Variants in CD99L2 observed in about 807,000 individuals in gnomAD.
CD99L2 encodes the protein CD99 molecule like 2.
CD99L2 carries 24 observed loss-of-function variants against 27.3 expected under a neutral mutation model. That is an observed-to-expected ratio of 0.88 (90% CI 0.64 to 1.24). The LOEUF (loss-of-function observed/expected upper bound fraction) is 1.24. Ranked by LOEUF, CD99L2 falls within the 50% of genes most tolerant of loss-of-function variation. The pLI is 0.00. For missense variants in CD99L2, 255 were observed against 221.6 expected, an observed-to-expected ratio of 1.15 and a Z score of -0.96; for synonymous variants, 97 against 87.9, an observed-to-expected ratio of 1.10 and a Z score of -0.58.
intron 9 of CD99L2, among the ~76,000 whole-genome samples, chrX:150,772,511 G>C (rs893775653): frequency 2.0e-4 from 22 of 112,801 alleles, no homozygotes; most frequent in African/African-American, 7.1e-4. Flanking sequence ...AAAGGATGTG[G>C]TTGGGACCAA....
chrX:150,834,848 T>C (rs1339405383), intron 1 of CD99L2, among the ~76,000 whole-genome samples: 11 of 112,247 alleles, frequency 9.8e-5, no homozygotes, highest in African/African-American at 3.6e-4. Context: ...TAAGTGTCCA[T>C]TAACAAATGA....
intron 2 of CD99L2, 31 bp downstream of exon 2, chrX:150,831,200 T>C (rs1461450356): frequency 9.1e-7 from 1 of 1,096,323 alleles, no homozygotes; most frequent in Admixed American, 2.3e-5. Context: ...CTACTGTTTG[T>C]TTTTAATAGT....
intron 2 of CD99L2, among the ~76,000 whole-genome samples, chrX:150,823,987 AAAG>A (rs201970278): frequency 0.013 from 1,412 of 106,440 alleles, 36 homozygotes; most frequent in African/African-American, 0.043. Flanking sequence ...TGTAGAAAAA[AAAG>A]AAGAAGAAGA....
intron 4 of CD99L2, among the ~76,000 whole-genome samples, chrX:150,800,287 C>T (rs1365894932): frequency 9.0e-6 from 1 of 111,282 alleles, no homozygotes; most frequent in Admixed American, 9.5e-5. Flanking sequence ...TGATGAAAAA[C>T]TGTTGGAAAT....
rs182130580 is a variant in CD99L2 at position 150,770,006 on chromosome X, G to A, written c.721+298C>T. 4.3e-3 allele frequency among the ~76,000 whole-genome samples: 489 copies of A among 112,961 alleles called. 1 individual carries two copies. The highest frequency in any genetic ancestry group is 0.013 in the African/African-American group (403 of 31,108). On this transcript the variant is annotated intron_variant, in intron 10 of 10. Coordinates refer to ENST00000370377, the MANE Select transcript of CD99L2 (RefSeq NM_031462.4). ...CTCTGTTCAGGATGTAATTGTATTC[G>A]CTGATGGGGAGCAGAGGTGCCTGGG...
intron 1 of CD99L2, among the ~76,000 whole-genome samples, chrX:150,888,463 T>A (rs985764104): frequency 8.9e-6 from 1 of 111,914 alleles, no homozygotes; most frequent in Non-Finnish European, 1.9e-5. Flanking sequence ...TCCGTTGCTA[T>A]GAAATGTCCA....
At chrX:150,802,604 C>T (rs2045926560) in intron 4 of CD99L2, among the ~76,000 whole-genome samples, 1 of 92,769 alleles carries the variant, frequency 1.1e-5, no homozygotes, top group South Asian at 6.5e-4. Flanking sequence ...TTTTTTGAGA[C>T]AGAGTCTCGC....
intron 7 of CD99L2, among the ~76,000 whole-genome samples, chrX:150,785,668 G>A (rs1033492473): frequency 2.7e-5 from 3 of 111,132 alleles, no homozygotes; most frequent in Non-Finnish European, 5.7e-5. Flanking sequence ...CCTAACCCCC[G>A]CAGCCACAGA....
chrX:150,813,059 G>A (rs1557420390), intron 4 of CD99L2, among the ~76,000 whole-genome samples: 1 of 111,317 alleles, frequency 9.0e-6, no homozygotes, highest in Admixed American at 9.6e-5. Context: ...TGGTTGCCAG[G>A]GGTTAGGAAA....
chrX:150,794,546 T>G (rs188272367), intron 6 of CD99L2, among the ~76,000 whole-genome samples: 1 of 112,451 alleles, frequency 8.9e-6, no homozygotes, highest in Admixed American at 9.4e-5. Flanking sequence ...AAGGACAAGA[T>G]AGTCCCACGG....
At chrX:150,824,043 G>A (rs868959205) in intron 2 of CD99L2, among the ~76,000 whole-genome samples, 25 of 94,367 alleles carry the variant, frequency 2.6e-4, no homozygotes, top group Non-Finnish European at 5.4e-4. Flanking sequence ...AGGAGGAGGA[G>A]GAAGAAGAAG....
chrX:150,879,515 C>T (rs782791045), intron 1 of CD99L2, among the ~76,000 whole-genome samples: 18 of 110,027 alleles, frequency 1.6e-4, no homozygotes, highest in South Asian at 3.9e-4. Context: ...AAGGACTCAC[C>T]GTGATTCAGG....
intron 1 of CD99L2, among the ~76,000 whole-genome samples, chrX:150,849,379 C>T (rs1405967285): frequency 9.0e-6 from 1 of 110,821 alleles, no homozygotes; most frequent in African/African-American, 3.3e-5. Context: ...TAGTGAGACC[C>T]TGTCCCTATA....
intron 4 of CD99L2, among the ~76,000 whole-genome samples, chrX:150,802,771 C>T (rs1478651590): frequency 4.9e-5 from 5 of 102,182 alleles, no homozygotes; most frequent in Admixed American, 1.1e-4. Context: ...TTAGTAGAGA[C>T]GGGGTTTCAC....
At chrX:150,812,308 T>G (rs1237076901) in intron 4 of CD99L2, among the ~76,000 whole-genome samples, 1 of 112,140 alleles carries the variant, frequency 8.9e-6, no homozygotes, top group Non-Finnish European at 1.9e-5. Context: ...ACCATATATC[T>G]GACTAAGGAC....
Position 150,813,321 on chromosome X carries a change from T to C in CD99L2, c.277+1541A>G, listed in dbSNP as rs182008846. ...ATAGTAGAGTACAATTTTCAAGATG[T>C]TGCTATTAGGGGAAACTGGGTGAAG... On this transcript the variant is annotated intron_variant, in intron 4 of 10. Transcript: ENST00000370377. 7.1e-5 allele frequency among the ~76,000 whole-genome samples: 8 copies of C among 112,142 alleles called. No individual in the cohort carries two copies. In the Admixed American group the frequency reaches 7.6e-4, roughly 11 times the overall value.
intron 7 of CD99L2, among the ~76,000 whole-genome samples, chrX:150,791,344 C>G (rs2045684674): frequency 9.0e-6 from 1 of 111,723 alleles, no homozygotes; most frequent in Non-Finnish European, 1.9e-5. Context: ...ATACCATTCT[C>G]TTTCCCAGTG....
intron 8 of CD99L2, chrX:150,777,238 A>C: frequency 2.2e-6 from 1 of 459,620 alleles, no homozygotes. Flanking sequence ...ATTGAGGCCC[A>C]TAAGAAATTT....
At chrX:150,822,563 T>G (rs377187190) in intron 2 of CD99L2, among the ~76,000 whole-genome samples, 1 of 111,961 alleles carries the variant, frequency 8.9e-6, no homozygotes, top group African/African-American at 3.2e-5. Flanking sequence ...AGTGATCTAA[T>G]GTAAAACATG....
Sources: gnomAD v4.1 joint callset for allele counts (sites outside exome capture counted in the v4.1 genomes callset) on GRCh38, gnomAD v4.1.1 for gene constraint, MANE v1.5 for transcripts, NCBI Gene and HGNC (gene_info 2026-07-23, HGNC 2026-07-21) for gene names.